The following ATRNL1 variants were observed in gnomAD, a reference collection of about 807,000 sequenced individuals.
ATRNL1 encodes the protein attractin-like protein 1.
A neutral mutation model predicts 182.7 loss-of-function variants in ATRNL1; 95 were observed. The observed-to-expected ratio is 0.52, with a 90% CI of 0.44 to 0.62. ATRNL1 has a LOEUF of 0.62. Among genes scored for constraint, ATRNL1 ranks in the 20% least tolerant of loss-of-function variants. The pLI is 0.00. For synonymous variants in ATRNL1, 576 were observed against 568.3 expected (o/e 1.01, Z -0.19); for missense variants, 1,471 against 1,679.5 (o/e 0.88, Z 2.17).
chr10:115,304,000 T>G (rs1021785278), intron 17 of ATRNL1, among the ~76,000 whole-genome samples: 1 of 152,176 alleles, frequency 6.6e-6, no homozygotes, highest in Non-Finnish European at 1.5e-5. Flanking sequence ...CCCTAAGTTC[T>G]CCACTATCAT....
At chr10:115,181,186 A>G (rs1228246629) in intron 8 of ATRNL1, among the ~76,000 whole-genome samples, 1 of 151,908 alleles carries the variant, frequency 6.6e-6, no homozygotes, top group Non-Finnish European at 1.5e-5. Flanking sequence ...AGGTAGGAAT[A>G]TGTGTAGACA....
At chr10:115,245,476 G>T (rs574441081) in intron 10 of ATRNL1, among the ~76,000 whole-genome samples, 6 of 126,438 alleles carry the variant, frequency 4.7e-5, no homozygotes, top group African/African-American at 3.1e-5. Context: ...TCCAGCCTGC[G>T]CAACAAGACC....
chr10:115,519,732 G>C (rs1219700229), intron 25 of ATRNL1, among the ~76,000 whole-genome samples: 2 of 152,164 alleles, frequency 1.3e-5, no homozygotes, highest in East Asian at 1.9e-4. Flanking sequence ...TTCATAAAAA[G>C]GGCTCCACAG....
intron 19 of ATRNL1, among the ~76,000 whole-genome samples, chr10:115,343,005 T>C (rs782266632): frequency 4.5e-4 from 68 of 152,162 alleles, no homozygotes; most frequent in Non-Finnish European, 1.6e-4. Flanking sequence ...AGCTCCATTG[T>C]ATGTGATTTG....
chr10:115,564,100 G>C (rs1269272332), intron 26 of ATRNL1, among the ~76,000 whole-genome samples: 1 of 151,902 alleles, frequency 6.6e-6, no homozygotes, highest in Non-Finnish European at 1.5e-5. Context: ...AAATTATTTT[G>C]ATGCCAGCAT....
At position 115,325,700 on chromosome 10, in the gene ATRNL1, G is replaced by A. The variant is rs576114654; in HGVS notation, c.3038-8582G>A. 1.4e-3 allele frequency among the ~76,000 whole-genome samples: 216 copies of A among 152,226 alleles called. 1 individual carries two copies. The highest frequency in any genetic ancestry group is 5.0e-3 in the African/African-American group (208 of 41,532). On this transcript the variant is annotated intron_variant, in intron 18 of 28. Coordinates refer to ENST00000355044, the MANE Select transcript of ATRNL1 (RefSeq NM_207303.4). ...AATTTTTCTTATTCAGGAAAGGAGG[G>A]TTGAGTGGCATTTTGCTAGGGAACT...
intron 26 of ATRNL1, among the ~76,000 whole-genome samples, chr10:115,659,859 A>G (rs1423160615): frequency 6.6e-6 from 1 of 152,168 alleles, no homozygotes; most frequent in African/African-American, 2.4e-5. Flanking sequence ...GACATGGCAT[A>G]TTTGAGTAAT....
In ATRNL1 at chr10:115,779,173, C is replaced by G. The variant is rs538120304; in HGVS notation, c.3903+51818C>G. On this transcript the variant is annotated intron_variant, in intron 27 of 28. Coordinates refer to ENST00000355044, the MANE Select transcript of ATRNL1 (RefSeq NM_207303.4). ...AAGCTTCAGAAATTCAAGCTTAGCACCTGGGAGTTTGATGGTGCTTCTAAT... is the reference window on the plus strand; with the variant it reads ...AAGCTTCAGAAATTCAAGCTTAGCAGCTGGGAGTTTGATGGTGCTTCTAAT... 1.6e-3 allele frequency among the ~76,000 whole-genome samples: 237 copies of G among 152,078 alleles called. 1 individual carries two copies. Among genetic ancestry groups the G allele is most frequent in the Non-Finnish European group, 2.5e-3 (173 of 68,016 alleles).
At chr10:115,505,108 A>G (rs1850043987) in intron 24 of ATRNL1, among the ~76,000 whole-genome samples, 1 of 152,138 alleles carries the variant, frequency 6.6e-6, no homozygotes, top group Non-Finnish European at 1.5e-5. Flanking sequence ...GAGATTAAAG[A>G]TGGATGCCAA....
At chr10:115,516,685 C>G (rs1256962690) in intron 24 of ATRNL1, among the ~76,000 whole-genome samples, 2 of 152,044 alleles carry the variant, frequency 1.3e-5, no homozygotes, top group East Asian at 3.9e-4. Context: ...TTTACAACTA[C>G]TCTGTCCTTT....
intron 28 of ATRNL1, among the ~76,000 whole-genome samples, chr10:115,933,315 A>G (rs1953460673): frequency 6.6e-6 from 1 of 152,218 alleles, no homozygotes; most frequent in South Asian, 2.1e-4. Context: ...ACACCTAACC[A>G]TAAATACAAA....
intron 26 of ATRNL1, among the ~76,000 whole-genome samples, chr10:115,677,775 A>G (rs975114466): frequency 1.4e-4 from 22 of 151,996 alleles, no homozygotes; most frequent in African/African-American, 5.3e-4. Context: ...GGAGGGAGAG[A>G]ATAGGGAGGG....
At chr10:115,824,964 A>G (rs1950394276) in intron 27 of ATRNL1, among the ~76,000 whole-genome samples, 1 of 152,228 alleles carries the variant, frequency 6.6e-6, no homozygotes, top group Non-Finnish European at 1.5e-5. Flanking sequence ...AGCACTGTTC[A>G]CAATAGCAAA....
intron 18 of ATRNL1, among the ~76,000 whole-genome samples, chr10:115,333,635 C>T (rs181194317): frequency 6.6e-6 from 1 of 152,000 alleles, no homozygotes; most frequent in African/African-American, 2.4e-5. Flanking sequence ...CAGGCATGCA[C>T]CACCATGCCC....
chr10:115,267,146 TG>T, intron 12 of ATRNL1, 141 bp downstream of exon 12: 1 of 582,196 alleles, frequency 1.7e-6, no homozygotes, highest in Non-Finnish European at 3.0e-6. Context: ...TTCTAATGTT[TG>T]AACCTAGTGA....
At chr10:115,730,358 A>G (rs540512039) in intron 27 of ATRNL1, among the ~76,000 whole-genome samples, 1 of 151,906 alleles carries the variant, frequency 6.6e-6, no homozygotes, top group East Asian at 1.9e-4. Flanking sequence ...TCTCACATGT[A>G]CAAAACAGTT....
At chr10:115,479,531 A>C (rs937184184) in intron 24 of ATRNL1, among the ~76,000 whole-genome samples, 2 of 151,476 alleles carry the variant, frequency 1.3e-5, no homozygotes, top group African/African-American at 2.4e-5. Context: ...AGGGTGTTTT[A>C]TGTTTTAGGT....
chr10:115,689,354 T>C (rs1175132223), intron 26 of ATRNL1, among the ~76,000 whole-genome samples: 4 of 152,214 alleles, frequency 2.6e-5, no homozygotes, highest in Non-Finnish European at 5.9e-5. Flanking sequence ...TTATTTGAAA[T>C]CTTTTTGGCT....
intron 27 of ATRNL1, among the ~76,000 whole-genome samples, chr10:115,817,766 A>AG (rs1189400177): frequency 1.9e-5 from 2 of 106,794 alleles, no homozygotes; most frequent in Non-Finnish European, 4.1e-5. Flanking sequence ...ATAAAAAAGT[A>AG]GTTTTTTTTT....
Sources: gnomAD v4.1 joint callset for allele counts (sites outside exome capture counted in the v4.1 genomes callset) on GRCh38, gnomAD v4.1.1 for gene constraint, MANE v1.5 for transcripts, NCBI Gene and HGNC (gene_info 2026-07-23, HGNC 2026-07-21) for gene names.